Variants in HPF1 observed in about 807,000 individuals in gnomAD.
HPF1 encodes histone PARylation factor 1.
HPF1 carries 35 observed loss-of-function variants against 38.8 expected under a neutral mutation model. The observed-to-expected ratio is 0.90, with a 90% CI of 0.69 to 1.19. The LOEUF is 1.19. Ranked by LOEUF, HPF1 falls within the 50% of genes most tolerant of loss-of-function variation. HPF1 has a pLI of 0.00. For synonymous variants in HPF1, 115 were observed against 139.2 expected (o/e 0.83, Z 1.22); for missense variants, 367 against 405.8 (o/e 0.90, Z 0.82).
chr4:169,753,188 C>T (rs1245216638), intron 2 of HPF1, among the ~76,000 whole-genome samples: 1 of 151,968 alleles, frequency 6.6e-6, no homozygotes, highest in Non-Finnish European at 1.5e-5. Flanking sequence ...TGTGCACCAC[C>T]ATGCCCAGCT....
chr4:169,753,823 T>G lies in HPF1; in HGVS notation c.61A>C (p.Thr21Pro), dbSNP rs1734150314. The G allele has an allele frequency of 1.2e-6, 2 of 1,603,562 alleles. No individual in the cohort carries two copies. The change falls in exon 2 of 8, where the codon ACT becomes CCT. Residue 21 changes from threonine (T) to proline (P), a missense_variant. Coordinates refer to ENST00000393381, the MANE Select transcript of HPF1 (RefSeq NM_017867.3). The stretch of plus-strand genomic sequence containing the variant: ...CAGAATTTACTTTTCTTCACATCAG[T>G]TGTTTTTTCACACTGAAAATTGGCA... ...GGEGPQCEKT[T>P]DVKKSKFCEA...
At chr4:169,737,546 G>A (rs866645278) in intron 6 of HPF1, 114 bp downstream of exon 6, 1 of 726,936 alleles carries the variant, frequency 1.4e-6, no homozygotes. Flanking sequence ...TTATTACTAA[G>A]GTCTAGCGAC....
At chr4:169,737,793 C>CG in intron 5 of HPF1, 46 bp from the exon 6 acceptor site, 8 of 963,250 alleles carry the variant, frequency 8.3e-6, no homozygotes, top group Non-Finnish European at 1.2e-5. Flanking sequence ...AAGCAGACAT[C>CG]AAAAAAAAAA....
intron 7 of HPF1, among the ~76,000 whole-genome samples, chr4:169,731,484 A>G (rs1187099888): frequency 6.6e-6 from 1 of 152,154 alleles, no homozygotes; most frequent in African/African-American, 2.4e-5. Context: ...GCAAATATTC[A>G]CCTTTGCCAG....
intron 5 of HPF1, among the ~76,000 whole-genome samples, chr4:169,738,942 G>C (rs1427877879): frequency 1.4e-5 from 2 of 143,362 alleles, no homozygotes; most frequent in Non-Finnish European, 3.0e-5. Flanking sequence ...TGAACAATGA[G>C]AACACTTGGA....
At chr4:169,742,521 A>C (rs544088722) in intron 4 of HPF1, among the ~76,000 whole-genome samples, 2 of 152,170 alleles carry the variant, frequency 1.3e-5, no homozygotes, top group African/African-American at 2.4e-5. Flanking sequence ...GGCAAGGCGC[A>C]GTGGCTCACG....
At chr4:169,729,770 A>C in intron 7 of HPF1, 61 bp from the exon 8 acceptor site, 1 of 1,193,572 alleles carries the variant, frequency 8.4e-7, no homozygotes, top group Non-Finnish European at 1.1e-6. Context: ...TAAGTAGCAG[A>C]AAATATATCA....
At position 169,750,624 on chromosome 4, in the gene HPF1, G is replaced by T. The variant is rs139715048; in HGVS notation, c.310C>A (p.Leu104Ile). 2.5e-6 allele frequency: 4 copies of T among 1,613,640 alleles called. No homozygotes were observed. The highest frequency in any genetic ancestry group is 3.4e-6 in the Non-Finnish European group (4 of 1,179,696). Residue 104 changes from leucine to isoleucine, a missense_variant, in exon 3 of 8, where the codon CTT (leucine) becomes ATT (isoleucine). Coordinates refer to ENST00000393381, the MANE Select transcript of HPF1 (RefSeq NM_017867.3). The stretch of plus-strand genomic sequence containing the variant: ...GGATCATAGTAAAACCTCCAGTGAA[G>T]GTTAAAATTCAGGCCTGTTGATTTT... ...KKKSTGLNFNLHWRFYYDPPE... is the reference protein window; with the variant it reads ...KKKSTGLNFNIHWRFYYDPPE...
chr4:169,753,889 A>G, intron 1 of HPF1, 54 bp from the exon 2 acceptor site: 20 of 1,395,070 alleles, frequency 1.4e-5, no homozygotes, highest in Non-Finnish European at 1.8e-5. Flanking sequence ...CTCTCCTTGC[A>G]TAACAGTATC....
intron 5 of HPF1, among the ~76,000 whole-genome samples, chr4:169,740,588 C>A (rs1283795692): frequency 7.9e-5 from 12 of 152,150 alleles, no homozygotes; most frequent in Non-Finnish European, 1.6e-4. Context: ...AATAAAAGAA[C>A]AACCTTGCAT....
chr4:169,739,036 G>A (rs1354942485), intron 5 of HPF1, among the ~76,000 whole-genome samples: 1 of 152,154 alleles, frequency 6.6e-6, no homozygotes, highest in Non-Finnish European at 1.5e-5. Context: ...TATACCTAAT[G>A]TAAATGACGA....
intron 6 of HPF1, 32 bp from the exon 7 acceptor site, chr4:169,731,908 T>C (rs752897389): frequency 3.9e-6 from 6 of 1,534,716 alleles, no homozygotes; most frequent in African/African-American, 1.4e-5. Context: ...AAAGATTATC[T>C]ACATAGTTAG....
rs1379237547 is a variant in HPF1 at position 169,757,816 on chromosome 4, C to T, written c.48+14G>A. ...AAGCGCCCCGCGTAGCCCGCACAGC[C>T]TTTCCGGCAGTACCTGCGGCCCCTC... is the stretch of plus-strand genomic sequence containing the variant. On this transcript the variant is annotated intron_variant, in intron 1 of 7. Transcript: ENST00000393381. 7 of 1,560,906 alleles carry T rather than the reference C, an allele frequency of 4.5e-6. No homozygotes were observed. Among genetic ancestry groups the T allele is most frequent in the Middle Eastern group, 1.7e-4 (1 of 5,998 alleles).
At chr4:169,745,691 C>G (rs1400155836) in intron 4 of HPF1, among the ~76,000 whole-genome samples, 2 of 152,164 alleles carry the variant, frequency 1.3e-5, no homozygotes, top group African/African-American at 2.4e-5. Context: ...TTTTCAGGCA[C>G]AGGGTCTTGC....
chr4:169,730,467 A>G (rs1282203711), intron 7 of HPF1, among the ~76,000 whole-genome samples: 1 of 152,208 alleles, frequency 6.6e-6, no homozygotes, highest in East Asian at 1.9e-4. Flanking sequence ...ATTTTTACTG[A>G]TAACTATCTA....
intron 5 of HPF1, among the ~76,000 whole-genome samples, chr4:169,739,730 G>A (rs1475588466): frequency 2.0e-5 from 3 of 152,156 alleles, no homozygotes; most frequent in African/African-American, 4.8e-5. Flanking sequence ...AAAATCTTAA[G>A]CAACCCAAAC....
At chr4:169,746,798 C>A (rs1195440857) in intron 4 of HPF1, among the ~76,000 whole-genome samples, 1 of 150,668 alleles carries the variant, frequency 6.6e-6, no homozygotes, top group African/African-American at 2.4e-5. Flanking sequence ...AATTTTTTAC[C>A]CCTGTTTGAG....
At chr4:169,737,932 A>G (rs1486382113) in intron 5 of HPF1, among the ~76,000 whole-genome samples, 185 bp from the exon 6 acceptor site, 1 of 142,828 alleles carries the variant, frequency 7.0e-6, no homozygotes, top group Non-Finnish European at 1.5e-5. Flanking sequence ...GCTAAAAGTT[A>G]AACAGTTGAA....
intron 4 of HPF1, among the ~76,000 whole-genome samples, chr4:169,748,439 C>T (rs537493034): frequency 3.8e-4 from 57 of 151,952 alleles, no homozygotes; most frequent in African/African-American, 1.3e-3. Context: ...GGCGCAATCT[C>T]GGCTCACTGC....
Sources: allele counts gnomAD v4.1 joint callset (sites outside exome capture counted in the v4.1 genomes callset), GRCh38; gene constraint gnomAD v4.1.1; transcripts MANE v1.5; gene names NCBI Gene and HGNC (gene_info 2026-07-23, HGNC 2026-07-21).